BNC1: variants seen among roughly 807,000 people sequenced by gnomAD.
The protein encoded by BNC1 is basonuclin zinc finger protein 1, also known as zinc finger protein basonuclin-1.
In BNC1, 8 loss-of-function variants were observed where a neutral mutation model predicts 66.5. That is an observed-to-expected ratio of 0.12 (90% CI 0.07 to 0.22). BNC1 has a LOEUF of 0.22. BNC1 is among the 10% of genes least tolerant of loss of function. The pLI is 1.00. For missense variants in BNC1, 1,069 were observed against 1,241.3 expected (o/e 0.86, Z 2.09); for synonymous variants, 454 against 452.6 (o/e 1.00, Z -0.04).
intron 1 of BNC1, among the ~76,000 whole-genome samples, chr15:83,279,327 T>C (rs1218298706): frequency 6.6e-6 from 1 of 152,210 alleles, no homozygotes; most frequent in Non-Finnish European, 1.5e-5. Flanking sequence ...TCAAGTTTCA[T>C]TCTAATTTTG....
At position 83,267,039 on chromosome 15, in the gene BNC1, G is replaced by A. The variant is rs1215693947; in HGVS notation, c.232C>T (p.Pro78Ser). Residue 78 changes from proline to serine, a missense_variant, in exon 3 of 5, where the codon CCA (proline) becomes TCA (serine). By Grantham distance (74) the Pro-to-Ser change is moderately conservative (BLOSUM62 -1). Around this residue, in one of 7 missense-constraint regions of BNC1, gnomAD observed 30 missense variants for 20.2 expected, o/e 1.49. Coordinates refer to ENST00000345382, the MANE Select transcript of BNC1 (RefSeq NM_001717.4). ...LSKLRIPPMY[P>S]TSQVEIVQSN... The stretch of plus-strand genomic sequence containing the variant: ...TGGACAATCTCCACCTGGCTTGTTG[G>A]ATACATGGGGGGGATCCTTAGCTTA... 2.5e-6 allele frequency: 4 copies of A among 1,614,058 alleles called. No individual in the cohort carries two copies. The East Asian group carries it at 6.7e-5, about 27-fold the overall frequency.
chr15:83,272,394 C>CTTT lies in BNC1; in HGVS notation c.100-4165_100-4163dup, dbSNP rs750429207. 7.7e-4 allele frequency among the ~76,000 whole-genome samples: 94 copies of CTTT among 122,698 alleles called. 2 individuals carry two copies. Among genetic ancestry groups the CTTT allele is most frequent in the African/African-American group, 1.4e-3 (40 of 29,276 alleles). The allele number at this position is 122,698 out of a possible 152,430, so 80.5% of individuals were successfully genotyped here. The stretch of plus-strand genomic sequence containing the variant: ...TACAGGCATGCACCACCACACCTGG[C>CTTT]TTTTTTTTTTTTTTTGTATTTTTAG... On this transcript the variant is annotated intron_variant, in intron 1 of 4. Coordinates refer to ENST00000345382, the MANE Select transcript of BNC1 (RefSeq NM_001717.4).
chr15:83,275,970 C>T lies in BNC1; in HGVS notation c.100-7738G>A, dbSNP rs190599609. ...GGGCTGGGGAGCCCGAGCCCCTTCCCGTTCACCTCACCGGGCACCTTTCAC... is the reference window on the plus strand; with the variant it reads ...GGGCTGGGGAGCCCGAGCCCCTTCCTGTTCACCTCACCGGGCACCTTTCAC... On this transcript the variant is annotated intron_variant, in intron 1 of 4. Coordinates refer to ENST00000345382, the MANE Select transcript of BNC1 (RefSeq NM_001717.4). 1.8e-3 allele frequency among the ~76,000 whole-genome samples: 273 copies of T among 152,180 alleles called. 4 individuals carry two copies. The highest frequency in any genetic ancestry group is 2.1e-4 in the Non-Finnish European group (14 of 68,020).
intron 1 of BNC1, among the ~76,000 whole-genome samples, chr15:83,280,851 C>G (rs796186580): frequency 5.9e-5 from 9 of 152,298 alleles, no homozygotes; most frequent in African/African-American, 2.2e-4. Flanking sequence ...TAAGAGTTTA[C>G]CTGAGGCAAC....
chr15:83,282,551 A>C (rs2038389777), intron 1 of BNC1, among the ~76,000 whole-genome samples: 1 of 152,230 alleles, frequency 6.6e-6, no homozygotes, highest in Non-Finnish European at 1.5e-5. Flanking sequence ...ACAAGGTTTT[A>C]ATATGTATCA....
In BNC1 at chr15:83,278,379, A is replaced by C. The variant is rs138426472; in HGVS notation, c.99+6151T>G. 3.9e-4 allele frequency among the ~76,000 whole-genome samples: 59 copies of C among 152,370 alleles called. No individual in the cohort carries two copies. In the East Asian group the frequency reaches 0.011, roughly 27 times the overall value. ...CACTAGGGAAGACTTGAATGACTGCAAGAAAAAATCACACAACTGGGTTGG... is the reference window on the plus strand; with the variant it reads ...CACTAGGGAAGACTTGAATGACTGCCAGAAAAAATCACACAACTGGGTTGG... On this transcript the variant is annotated intron_variant, in intron 1 of 4. Transcript: ENST00000345382.
intron 3 of BNC1, among the ~76,000 whole-genome samples, chr15:83,266,528 T>C (rs1483187455): frequency 6.6e-6 from 1 of 152,118 alleles, no homozygotes; most frequent in Non-Finnish European, 1.5e-5. Flanking sequence ...AGTAAGTAGT[T>C]TGGGACTAAT....
At chr15:83,267,965 G>C (rs1218652518) in intron 2 of BNC1, among the ~76,000 whole-genome samples, 168 bp downstream of exon 2, 1 of 152,164 alleles carries the variant, frequency 6.6e-6, no homozygotes, top group Non-Finnish European at 1.5e-5. Flanking sequence ...ATATAGAGTA[G>C]TTAAGATTCA....
intron 1 of BNC1, among the ~76,000 whole-genome samples, chr15:83,276,154 A>C (rs1024587514): frequency 2.6e-5 from 4 of 152,168 alleles, no homozygotes; most frequent in Non-Finnish European, 5.9e-5. Context: ...ATTAATGTGG[A>C]TACACAGATG....
intron 3 of BNC1, among the ~76,000 whole-genome samples, chr15:83,266,336 C>T (rs2038218034): frequency 6.6e-6 from 1 of 151,828 alleles, no homozygotes; most frequent in Non-Finnish European, 1.5e-5. Context: ...CAAATGCATA[C>T]ATGAACACAG....
chr15:83,284,027 T>C (rs1362358869), intron 1 of BNC1, among the ~76,000 whole-genome samples: 1 of 151,236 alleles, frequency 6.6e-6, no homozygotes, highest in Admixed American at 6.6e-5. Flanking sequence ...CGCCCCGTTC[T>C]CCAGAGAAAC....
In BNC1 at chr15:83,257,461, G is replaced by A. The variant is rs1271528677; in HGVS notation, c.2966C>T (p.Ser989Phe). 1 of 1,612,668 alleles carries A rather than the reference G, an allele frequency of 6.2e-7. No individual in the cohort carries two copies. The highest frequency in any genetic ancestry group is 1.3e-5 in the African/African-American group (1 of 74,858). The change falls in exon 5 of 5, where the codon TCT (serine) becomes TTT (phenylalanine). Residue 989 changes from serine to phenylalanine, a missense_variant. Ser to Phe is a radical substitution (Grantham distance 155). This residue lies in a region of BNC1 where 657 missense variants were observed against 715.8 expected (regional missense o/e 0.92). Coordinates refer to ENST00000345382, the MANE Select transcript of BNC1 (RefSeq NM_001717.4). ...NPNLHKSLAS[S>F]PSHLQ is the part of the protein sequence containing the mutation. ...ATCTTGTTACTGGAGGTGACTTGGA[G>A]ATGAGGCCAGGCTTTTGTGCAGGTT...
In BNC1 at chr15:83,257,319, A is replaced by G; in HGVS notation, c.*123T>C. The G allele has an allele frequency of 6.9e-6, 8 of 1,159,370 alleles. No individual in the cohort carries two copies. The highest frequency in any genetic ancestry group is 8.6e-6 in the Non-Finnish European group (7 of 814,816). The allele number at this position is 1,159,370 out of a possible 1,614,324, so 71.8% of individuals were successfully genotyped here. A position where few individuals can be genotyped will look rare whatever the true frequency, so the allele number is the denominator to read the frequency against. ...CTCATTGTGCTGTGGAAAACTATAAAGTCAAATCAAATACTTTTGCCTGAC... is the reference window on the plus strand; with the variant it reads ...CTCATTGTGCTGTGGAAAACTATAAGGTCAAATCAAATACTTTTGCCTGAC... On this transcript the variant is annotated 3_prime_UTR_variant, in exon 5 of 5. Transcript: ENST00000345382.
rs1022521150 is a variant in BNC1, at chr15:83,263,391, G to A, written c.1860C>T (p.Ala620=). ...HRESVIESSG[A]ISQTPEQATH... ...TGGCCTGCTCAGGGGTTTGGCTGAT[G>A]GCTCCACTGGACTCAATTACTGATT... Residue 620 remains alanine (A), a synonymous_variant, in exon 4 of 5, where the codon GCC becomes GCT. Transcript: ENST00000345382. 3 of 1,614,186 alleles carry A rather than the reference G, an allele frequency of 1.9e-6. No individual in the cohort carries two copies. The highest frequency in any genetic ancestry group is 2.5e-6 in the Non-Finnish European group (3 of 1,180,036).
chr15:83,281,078 A>G (rs2038373492), intron 1 of BNC1, among the ~76,000 whole-genome samples: 1 of 152,210 alleles, frequency 6.6e-6, no homozygotes, highest in African/African-American at 2.4e-5. Context: ...AGAAGGCCCA[A>G]AATTGGACCC....
intron 1 of BNC1, chr15:83,283,552 C>T (rs2038407287): frequency 2.1e-6 from 2 of 973,974 alleles, no homozygotes; most frequent in African/African-American, 1.8e-5. Flanking sequence ...GGGCCGGGGG[C>T]TTCCCGTCCC....
At chr15:83,270,059 C>T (rs2038255000) in intron 1 of BNC1, among the ~76,000 whole-genome samples, 3 of 152,142 alleles carry the variant, frequency 2.0e-5, no homozygotes, top group Admixed American at 2.0e-4. Flanking sequence ...TAGTAGTTAC[C>T]TGGGGCTGTG....
At position 83,255,889 on chromosome 15, in the gene BNC1, C is replaced by A. The variant is rs2038068082; in HGVS notation, c.*1553G>T. On this transcript the variant is annotated 3_prime_UTR_variant, in exon 5 of 5. Coordinates refer to ENST00000345382, the MANE Select transcript of BNC1 (RefSeq NM_001717.4). ...CAAAACCATTTTTACAAATGTTTGC[C>A]TTTTTAAACAAAAGGTGTGCCATAT... 6.6e-6 allele frequency: 1 copy of A among 152,574 alleles called. No homozygotes were observed. The highest frequency in any genetic ancestry group is 1.5e-5 in the Non-Finnish European group (1 of 68,042). 9.5% of individuals were successfully genotyped at this position (152,574 alleles called of 1,614,324 possible).
chr15:83,272,060 G>A (rs1026395060), intron 1 of BNC1, among the ~76,000 whole-genome samples: 1 of 152,114 alleles, frequency 6.6e-6, no homozygotes, highest in African/African-American at 2.4e-5. Context: ...ATCAGCTCAC[G>A]GATGAACCAA....
Sources: gnomAD v4.1 joint callset for allele counts (sites outside exome capture counted in the v4.1 genomes callset) on GRCh38, gnomAD v4.1.1 for gene constraint, gnomAD v4.1.1 regional missense constraint, MANE v1.5 for transcripts, NCBI Gene and HGNC (gene_info 2026-07-23, HGNC 2026-07-21) for gene names.